RNF217: variants seen among roughly 807,000 people sequenced by gnomAD.
The protein encoded by RNF217 is E3 ubiquitin-protein ligase RNF217.
Under a neutral mutation model 57.8 loss-of-function variants are expected in RNF217, and 31 were observed. The observed-to-expected ratio is 0.54, with a 90% CI of 0.40 to 0.72. The LOEUF (loss-of-function observed/expected upper bound fraction) is 0.72. RNF217 is among the 30% of genes least tolerant of loss of function. The probability of loss-of-function intolerance (pLI) is 0.00; values close to 1 mark genes in which losing one functional copy is unlikely to be tolerated. For synonymous variants in RNF217, 313 were observed against 294.0 expected (o/e 1.06, Z -0.66); for missense variants, 696 against 708.3 (o/e 0.98, Z 0.20).
intron 2 of RNF217, among the ~76,000 whole-genome samples, chr6:125,049,905 T>A (rs1487254606): frequency 6.6e-6 from 1 of 151,740 alleles, no homozygotes; most frequent in African/African-American, 2.4e-5. Context: ...ATGTTGATAG[T>A]GTTAAGTTTG....
rs1788811597 is a variant in RNF217 at position 125,087,709 on chromosome 6, A to C, written c.*4772A>C. On this transcript the variant is annotated 3_prime_UTR_variant, in exon 6 of 6. Transcript: ENST00000521654. ...AAATAAAACATACCTGAAGAAAAGT[A>C]GCAATTTCTGAAATTGTAGTAATCT... 6.6e-6 allele frequency: 1 copy of C among 152,142 alleles called. No homozygotes were observed. Among genetic ancestry groups the C allele is most frequent in the Admixed American group, 6.6e-5 (1 of 15,264 alleles). The allele number at this position is 152,142 out of a possible 1,614,324, so 9.4% of individuals were successfully genotyped here.
At chr6:124,963,489 C>G in intron 1 of RNF217, 63 bp downstream of exon 1, 1 of 1,426,118 alleles carries the variant, frequency 7.0e-7, no homozygotes. Context: ...AGGTCCTGCT[C>G]TCGATCTGAT....
rs2114668625 is a variant in RNF217 at position 125,086,180 on chromosome 6, A to ATAAAAAGAAAGATAAAAAAT, written c.*3243_*3244insTAAAAAGAAAGATAAAAAAT. On this transcript the variant is annotated 3_prime_UTR_variant, in exon 6 of 6. Coordinates refer to ENST00000521654, the MANE Select transcript of RNF217 (RefSeq NM_001286398.3). ...GATGAGGTCATAGAGATAATATGAGACCCTTTTTTGGATAAAAAGAAAGAT... is the reference window on the plus strand; with the variant it reads ...GATGAGGTCATAGAGATAATATGAGATAAAAAGAAAGATAAAAAATCCCTTTTTTGGATAAAAAGAAAGAT... 1 of 152,112 alleles carries ATAAAAAGAAAGATAAAAAAT rather than the reference A, an allele frequency of 6.6e-6. No homozygotes were observed. The highest frequency in any genetic ancestry group is 6.5e-5 in the Admixed American group (1 of 15,268). 9.4% of individuals were successfully genotyped at this position (152,112 alleles called of 1,614,324 possible).
At chr6:125,078,584 C>T (rs1582783871) in intron 4 of RNF217, among the ~76,000 whole-genome samples, 1 of 152,034 alleles carries the variant, frequency 6.6e-6, no homozygotes, top group Admixed American at 6.6e-5. Flanking sequence ...TGTCAGGAAC[C>T]CACTCCCTTG....
At chr6:124,970,490 T>A (rs1783723163) in intron 1 of RNF217, among the ~76,000 whole-genome samples, 1 of 152,120 alleles carries the variant, frequency 6.6e-6, no homozygotes, top group African/African-American at 2.4e-5. Context: ...TTTAATAAGA[T>A]GAGGAATAGT....
intron 1 of RNF217, among the ~76,000 whole-genome samples, chr6:124,966,913 T>C (rs2114978178): frequency 6.6e-6 from 1 of 152,352 alleles, no homozygotes; most frequent in African/African-American, 2.4e-5. Flanking sequence ...AGTTTTGTTT[T>C]TCAAAACATA....
intron 1 of RNF217, among the ~76,000 whole-genome samples, chr6:125,025,835 G>GA (rs1786060719): frequency 6.6e-6 from 1 of 152,178 alleles, no homozygotes; most frequent in Non-Finnish European, 1.5e-5. Context: ...GTGGGGAACA[G>GA]AAAGTTGAAG....
chr6:125,004,745 G>A (rs377144215), intron 1 of RNF217, among the ~76,000 whole-genome samples: 5 of 152,168 alleles, frequency 3.3e-5, no homozygotes, highest in African/African-American at 7.2e-5. Flanking sequence ...ACCACAGCTC[G>A]TGTGTAATTC....
rs557360070 is a variant in RNF217, at chr6:124,985,940, A to G, written c.882+22514A>G. ...TTTTTGGCAAATAAGTGCTGCAAAGATCTGAATGTTTGTTTCCTCCCAAAA... is the reference window on the plus strand; with the variant it reads ...TTTTTGGCAAATAAGTGCTGCAAAGGTCTGAATGTTTGTTTCCTCCCAAAA... On this transcript the variant is annotated intron_variant, in intron 1 of 5. Coordinates refer to ENST00000521654, the MANE Select transcript of RNF217 (RefSeq NM_001286398.3). Among the ~76,000 whole-genome samples, 233 of 152,238 alleles carry G rather than the reference A, an allele frequency of 1.5e-3. 3 individuals are homozygous for G. Among genetic ancestry groups the G allele is most frequent in the South Asian group, 0.012 (58 of 4,810 alleles).
At chr6:125,038,575 G>T (rs1786742742) in intron 1 of RNF217, among the ~76,000 whole-genome samples, 1 of 152,018 alleles carries the variant, frequency 6.6e-6, no homozygotes, top group African/African-American at 2.4e-5. Context: ...ATACCCATCT[G>T]CCAACCTTCA....
At chr6:125,063,315 A>C (rs1337684155) in intron 3 of RNF217, among the ~76,000 whole-genome samples, 2 of 152,226 alleles carry the variant, frequency 1.3e-5, no homozygotes, top group African/African-American at 4.8e-5. Flanking sequence ...GCACTGTCAC[A>C]CATACACTAA....
At chr6:124,988,941 C>A (rs1220993823) in intron 1 of RNF217, among the ~76,000 whole-genome samples, 4 of 152,066 alleles carry the variant, frequency 2.6e-5, no homozygotes, top group Non-Finnish European at 5.9e-5. Context: ...TTTTAAATTG[C>A]ATGTTAATGT....
In RNF217 at chr6:124,995,214, A is replaced by G. The variant is rs186687024; in HGVS notation, c.882+31788A>G. ...TACAGATTTTATTTTGTGAAATATT[A>G]TACATACAAAAGAATATAACACATG... On this transcript the variant is annotated intron_variant, in intron 1 of 5. Coordinates refer to ENST00000521654, the MANE Select transcript of RNF217 (RefSeq NM_001286398.3). Among the ~76,000 whole-genome samples the G allele has an allele frequency of 2.6e-4, 40 of 152,304 alleles. No homozygotes were observed. The East Asian group carries it at 6.4e-3, about 24-fold the overall frequency.
chr6:124,971,476 A>T, intron 1 of RNF217: 1 of 339,620 alleles, frequency 2.9e-6, no homozygotes, highest in South Asian at 2.3e-5. Flanking sequence ...GTTTGTTTTG[A>T]GACGGAGTCT....
In RNF217 at chr6:125,082,985, C is replaced by A. The variant is rs1225687839; in HGVS notation, c.*48C>A. 7.7e-7 allele frequency: 1 copy of A among 1,296,280 alleles called. No homozygotes were observed. The highest frequency in any genetic ancestry group is 1.1e-6 in the Non-Finnish European group (1 of 926,214). 80.3% of individuals were successfully genotyped at this position (1,296,280 alleles called of 1,614,324 possible). A position where few individuals can be genotyped will look rare whatever the true frequency, so the allele number is the denominator to read the frequency against. On this transcript the variant is annotated 3_prime_UTR_variant, in exon 6 of 6. Transcript: ENST00000521654. ...TAAGCTGGTTGGAGTAGGAGCGATACCAAAGGGTACACCCATCTGTGAGTC... is the reference window on the plus strand; with the variant it reads ...TAAGCTGGTTGGAGTAGGAGCGATAACAAAGGGTACACCCATCTGTGAGTC...
intron 1 of RNF217, among the ~76,000 whole-genome samples, chr6:124,963,799 A>G (rs953557375): frequency 6.6e-6 from 1 of 152,258 alleles, no homozygotes; most frequent in Admixed American, 6.5e-5. Flanking sequence ...TAGAATAAAT[A>G]TTTATGGAGC....
intron 1 of RNF217, among the ~76,000 whole-genome samples, chr6:124,993,910 G>A (rs1198913803): frequency 6.6e-6 from 1 of 152,164 alleles, no homozygotes; most frequent in Non-Finnish European, 1.5e-5. Flanking sequence ...AGGTGAGTGG[G>A]AATTCGAGCC....
chr6:125,003,870 T>A (rs1451850182), intron 1 of RNF217, among the ~76,000 whole-genome samples: 1 of 152,094 alleles, frequency 6.6e-6, no homozygotes, highest in Non-Finnish European at 1.5e-5. Context: ...AGGTACGTGG[T>A]TTTGAAGGAG....
chr6:125,023,401 G>A (rs544347905), intron 1 of RNF217, among the ~76,000 whole-genome samples: 142 of 152,272 alleles, frequency 9.3e-4, no homozygotes, highest in Non-Finnish European at 1.1e-3. Flanking sequence ...ATTTTAATTA[G>A]TGGAGTTGTA....
Sources: gnomAD v4.1 joint callset for allele counts (sites outside exome capture counted in the v4.1 genomes callset) on GRCh38, gnomAD v4.1.1 for gene constraint, MANE v1.5 for transcripts, NCBI Gene and HGNC (gene_info 2026-07-23, HGNC 2026-07-21) for gene names.